Variants in GPHN observed in about 807,000 individuals in gnomAD.
GPHN encodes the protein gephyrin.
In GPHN, 17 loss-of-function variants were observed where a neutral mutation model predicts 95.5. The ratio of observed to expected loss-of-function variants is 0.18; its 90% confidence interval spans 0.12 to 0.27. GPHN has a LOEUF of 0.27. GPHN is among the 10% of genes least tolerant of loss of function. The pLI, the probability that GPHN is intolerant of heterozygous loss-of-function variation, is 1.00. For missense variants in GPHN, 660 were observed against 978.1 expected, an observed-to-expected ratio of 0.67 and a Z score of 4.34; for synonymous variants, 320 against 322.5, an observed-to-expected ratio of 0.99 and a Z score of 0.08.
the GPHN span, chr14:67,360,310 C>A: frequency 5.0e-6 from 2 of 398,422 alleles, no homozygotes; most frequent in Non-Finnish European, 4.4e-6. Context: ...AGCGCTTGCG[C>A]ATGCGAGGAG....
Position 67,058,627 on chromosome 14 carries a change from A to G in GPHN, c.1007-22A>G, listed in dbSNP as rs762739030. ...ATCAGTGTTACAGCATCATATTCTT[A>G]GTTAATTATCTTACTGTTTAGGTCA... On this transcript the variant is annotated intron_variant, in intron 10 of 22. Transcript: ENST00000478722. 1.9e-6 allele frequency: 3 copies of G among 1,603,544 alleles called. No homozygotes were observed. In the South Asian group the frequency reaches 3.3e-5, roughly 18 times the overall value.
the GPHN span, chr14:67,376,509 T>G: frequency 6.2e-7 from 1 of 1,614,156 alleles, no homozygotes; most frequent in Non-Finnish European, 8.5e-7. Flanking sequence ...GAAAGCCTAT[T>G]CCAGAGGACT....
intron 8 of GPHN, among the ~76,000 whole-genome samples, chr14:66,945,656 G>A (rs774493496): frequency 1.6e-4 from 25 of 152,110 alleles, no homozygotes; most frequent in South Asian, 6.2e-4. Context: ...AAAAACAAAA[G>A]TGAGCAAAAG....
the GPHN span, among the ~76,000 whole-genome samples, chr14:67,538,432 C>T: frequency 1.2e-4 from 18 of 152,284 alleles, no homozygotes; most frequent in East Asian, 7.7e-4. Flanking sequence ...ATAACACATG[C>T]GTCGCAATGC....
chr14:67,460,675 G>T, the GPHN span, among the ~76,000 whole-genome samples: 31 of 152,188 alleles, frequency 2.0e-4, no homozygotes, highest in Admixed American at 6.5e-4. Flanking sequence ...CTGCTTTCCA[G>T]CCTGGGCAAC....
chr14:67,562,676 G>A, the GPHN span: 1 of 1,612,544 alleles, frequency 6.2e-7, no homozygotes, highest in Admixed American at 1.7e-5. Flanking sequence ...GGTGAACATT[G>A]AGACTGAGGC....
chr14:67,395,464 C>A, the GPHN span: 1 of 1,614,034 alleles, frequency 6.2e-7, no homozygotes, highest in Non-Finnish European at 8.5e-7. Flanking sequence ...GCTGGACCTT[C>A]CCCGGCTGCC....
In GPHN at chr14:66,922,757, T is replaced by G; in HGVS notation, c.548T>G (p.Leu183Arg). ...AAAGTAAAGGAGGTGCATGATGAAC[T>G]TGAAGATTTGCCTTCCCCACCTCCC... The part of the protein sequence containing the change: ...IVKVKEVHDE[L>R]EDLPSPPPPL... Residue 183 changes from leucine (L) to arginine (R), a missense_variant, in exon 7 of 23, where the codon CTT (leucine) becomes CGT (arginine). Leu to Arg is a moderately radical substitution (Grantham distance 102). Around this residue, in one of 6 missense-constraint regions of GPHN, gnomAD observed 190 missense variants for 224.7 expected, o/e 0.85. Transcript: ENST00000478722. The G allele has an allele frequency of 6.2e-7, 1 of 1,613,762 alleles. No homozygotes were observed. The highest frequency in any genetic ancestry group is 8.5e-7 in the Non-Finnish European group (1 of 1,179,684).
At chr14:66,774,586 A>G (rs2059313651) in intron 2 of GPHN, among the ~76,000 whole-genome samples, 2 of 152,146 alleles carry the variant, frequency 1.3e-5, no homozygotes, top group Non-Finnish European at 2.9e-5. Flanking sequence ...TTTTTCTCTC[A>G]AAAAGTCTTG....
chr14:67,207,671 G>A, the GPHN span, among the ~76,000 whole-genome samples: 73 of 152,266 alleles, frequency 4.8e-4, no homozygotes, highest in African/African-American at 1.4e-4. Context: ...GATTCTGAGC[G>A]AATCAGAGAG....
At chr14:67,690,584 A>G in the GPHN span, 1 of 623,808 alleles carries the variant, frequency 1.6e-6, no homozygotes. Flanking sequence ...AGGTTTAGGG[A>G]AATAACAACA....
intron 5 of GPHN, among the ~76,000 whole-genome samples, chr14:66,880,979 A>G (rs1457472097): frequency 6.6e-6 from 1 of 151,992 alleles, no homozygotes; most frequent in Non-Finnish European, 1.5e-5. Flanking sequence ...GCAGCTGTAT[A>G]GTTTCAGGGT....
chr14:67,690,192 T>A, the GPHN span: 4 of 1,606,140 alleles, frequency 2.5e-6, no homozygotes, highest in Non-Finnish European at 3.4e-6. Flanking sequence ...TGTCTCCACA[T>A]TCATTTCCTC....
At chr14:67,594,846 C>T in the GPHN span, among the ~76,000 whole-genome samples, 4 of 152,114 alleles carry the variant, frequency 2.6e-5, no homozygotes, top group Non-Finnish European at 5.9e-5. Context: ...CTACCTTAAA[C>T]GTGCTCAGAA....
chr14:67,439,582 T>TTTCTTTC, the GPHN span, among the ~76,000 whole-genome samples: 7 of 118,446 alleles, frequency 5.9e-5, no homozygotes, highest in African/African-American at 2.4e-4. Flanking sequence ...TCTTTCTTTC[T>TTTCTTTC]TTCTTTCTTT....
intron 3 of GPHN, among the ~76,000 whole-genome samples, chr14:66,795,146 A>G (rs1434663068): frequency 6.6e-6 from 1 of 152,188 alleles, no homozygotes; most frequent in Non-Finnish European, 1.5e-5. Flanking sequence ...GGTATTGACA[A>G]TATTTTTATA....
the GPHN span, chr14:67,303,488 A>T: frequency 7.8e-6 from 12 of 1,528,952 alleles, no homozygotes; most frequent in African/African-American, 1.4e-5. Flanking sequence ...TCATAAATGC[A>T]AATTTAAAAA....
the GPHN span, among the ~76,000 whole-genome samples, chr14:67,425,779 G>A: frequency 2.0e-5 from 3 of 152,054 alleles, no homozygotes; most frequent in Non-Finnish European, 4.4e-5. Flanking sequence ...AGGACCACAG[G>A]AGAACCCACT....
At chr14:66,848,484 T>C (rs1168306473) in intron 4 of GPHN, among the ~76,000 whole-genome samples, 1 of 152,144 alleles carries the variant, frequency 6.6e-6, no homozygotes, top group African/African-American at 2.4e-5. Flanking sequence ...ATGGTAAGGC[T>C]AAAGGCCATC....
Sources: gnomAD v4.1 joint callset for allele counts (sites outside exome capture counted in the v4.1 genomes callset) on GRCh38, gnomAD v4.1.1 for gene constraint, gnomAD v4.1.1 regional missense constraint, MANE v1.5 for transcripts, NCBI Gene and HGNC (gene_info 2026-07-23, HGNC 2026-07-21) for gene names.